RSU1: variants seen among roughly 807,000 people sequenced by gnomAD.
The protein encoded by RSU1 is rsu-1.
A neutral mutation model predicts 31.1 loss-of-function variants in RSU1; 26 were observed. The observed-to-expected ratio is 0.84, with a 90% CI of 0.61 to 1.16. RSU1 has a LOEUF of 1.16. Among genes scored for constraint, RSU1 ranks in the 50% most tolerant of loss-of-function variants. The pLI is 0.00. For missense variants in RSU1, 320 were observed against 339.1 expected, an observed-to-expected ratio of 0.94 and a Z score of 0.44; for synonymous variants, 164 against 136.3, an observed-to-expected ratio of 1.20 and a Z score of -1.41.
At chr10:16,816,032 G>A (rs77460264) in intron 2 of RSU1, among the ~76,000 whole-genome samples, 2,279 of 152,274 alleles carry the variant, frequency 0.015, 26 homozygotes, top group Admixed American at 0.025. Context: ...CATTACCGTC[G>A]ATAATGGACA....
chr10:16,786,219 A>G (rs1288767654), intron 2 of RSU1, among the ~76,000 whole-genome samples: 2 of 152,216 alleles, frequency 1.3e-5, no homozygotes, highest in East Asian at 3.9e-4. Context: ...CTGGGAGATC[A>G]TGGTTTATTT....
At chr10:16,741,617 G>A (rs1219221699) in intron 7 of RSU1, among the ~76,000 whole-genome samples, 2 of 152,146 alleles carry the variant, frequency 1.3e-5, no homozygotes, top group East Asian at 3.8e-4. Flanking sequence ...AGTGAGTGAG[G>A]GTGATAAGTA....
chr10:16,637,822 C>CAAA (rs397738474), intron 8 of RSU1, among the ~76,000 whole-genome samples: 1 of 129,772 alleles, frequency 7.7e-6, no homozygotes, highest in African/African-American at 2.8e-5. Flanking sequence ...TATGGATCCT[C>CAAA]AAAAAAAAAA....
In RSU1 at chr10:16,695,146, T is replaced by G; in HGVS notation, c.608A>C (p.Asp203Ala). The G allele has an allele frequency of 1.8e-6, 2 of 1,141,958 alleles. No homozygotes were observed. Among genetic ancestry groups the G allele is most frequent in the Non-Finnish European group, 1.2e-6 (1 of 823,852 alleles). 70.7% of individuals were successfully genotyped at this position (1,141,958 alleles called of 1,614,324 possible). The change falls in exon 8 of 9, where the codon GAT becomes GCT. Residue 203 changes from aspartate (D) to alanine (A), a missense_variant. Coordinates refer to ENST00000345264, the MANE Select transcript of RSU1 (RefSeq NM_012425.4). ...GAATACCTGCTTCTGGCCAGTTAAA[T>G]CCAAGTTTCCTGGGGGGGGGGAAAA... ...TVLPPELGNL[D>A]LTGQKQVFKA...
chr10:16,707,447 G>T (rs982786736), intron 7 of RSU1, among the ~76,000 whole-genome samples: 1 of 151,970 alleles, frequency 6.6e-6, no homozygotes, highest in African/African-American at 2.4e-5. Flanking sequence ...TTTTATCGTG[G>T]TTCTGATTTG....
At chr10:16,748,928 T>C (rs891872385) in intron 7 of RSU1, among the ~76,000 whole-genome samples, 1 of 150,262 alleles carries the variant, frequency 6.7e-6, no homozygotes, top group Non-Finnish European at 1.5e-5. Flanking sequence ...CTCTTTCTTC[T>C]GTCTTCTCCC....
intron 8 of RSU1, among the ~76,000 whole-genome samples, chr10:16,632,539 C>T (rs1373648365): frequency 1.3e-5 from 2 of 152,186 alleles, no homozygotes; most frequent in Non-Finnish European, 2.9e-5. Flanking sequence ...TGGCAAACTG[C>T]AGTGCCCCTG....
At chr10:16,720,923 G>T (rs982771332) in intron 7 of RSU1, among the ~76,000 whole-genome samples, 1 of 152,054 alleles carries the variant, frequency 6.6e-6, no homozygotes, top group Non-Finnish European at 1.5e-5. Context: ...AGAGTTTGAG[G>T]CTGCAGTGAG....
chr10:16,597,358 CTG>C (rs1469311839), intron 8 of RSU1, among the ~76,000 whole-genome samples: 4 of 152,196 alleles, frequency 2.6e-5, no homozygotes, highest in Non-Finnish European at 5.9e-5. Flanking sequence ...TCAGATCCCA[CTG>C]TGTGTGTCTG....
intron 8 of RSU1, among the ~76,000 whole-genome samples, chr10:16,633,724 T>C (rs532164025): frequency 1.5e-3 from 222 of 152,272 alleles, no homozygotes; most frequent in Non-Finnish European, 2.2e-3. Context: ...TGACCTCCAC[T>C]GTCTTAACTC....
chr10:16,766,930 CAGG>C (rs1416086510), intron 3 of RSU1, among the ~76,000 whole-genome samples: 1 of 149,710 alleles, frequency 6.7e-6, no homozygotes, highest in East Asian at 2.0e-4. Flanking sequence ...GAAGCTGAGG[CAGG>C]AGAATCGCTT....
chr10:16,757,263 A>G (rs1201320686), intron 4 of RSU1, among the ~76,000 whole-genome samples: 1 of 152,170 alleles, frequency 6.6e-6, no homozygotes, highest in Non-Finnish European at 1.5e-5. Context: ...AAAATTTAAT[A>G]AAAGTTGACA....
chr10:16,780,075 G>A (rs181928366), intron 3 of RSU1, among the ~76,000 whole-genome samples: 3 of 152,270 alleles, frequency 2.0e-5, no homozygotes, highest in Non-Finnish European at 2.9e-5. Flanking sequence ...CCAACACAAT[G>A]TAACTCCACA....
chr10:16,693,435 G>T (rs1453706423), intron 8 of RSU1, among the ~76,000 whole-genome samples: 2 of 150,946 alleles, frequency 1.3e-5, no homozygotes, highest in Admixed American at 6.6e-5. Flanking sequence ...GCCTGGCACA[G>T]ATTCACAGGG....
intron 8 of RSU1, among the ~76,000 whole-genome samples, chr10:16,644,537 C>G (rs1267837040): frequency 3.3e-5 from 5 of 152,240 alleles, no homozygotes; most frequent in South Asian, 2.1e-4. Context: ...GAAATTGAGC[C>G]CTAAGAGAAC....
intron 7 of RSU1, among the ~76,000 whole-genome samples, chr10:16,715,387 G>A (rs1380389303): frequency 5.3e-5 from 8 of 152,140 alleles, no homozygotes; most frequent in Non-Finnish European, 7.3e-5. Flanking sequence ...AAAGTCCAAC[G>A]TCTTGAAGAT....
chr10:16,643,747 T>C (rs1038997124), intron 8 of RSU1, among the ~76,000 whole-genome samples: 3 of 152,124 alleles, frequency 2.0e-5, no homozygotes, highest in Non-Finnish European at 4.4e-5. Context: ...TAAGAGCACC[T>C]GCCTTAAAGG....
rs553917937 is a variant in RSU1 at position 16,790,425 on chromosome 10, G to A, written c.110-8341C>T. Among the ~76,000 whole-genome samples, 26 of 152,324 alleles carry A rather than the reference G, an allele frequency of 1.7e-4. 1 individual carries two copies. The East Asian group carries it at 2.1e-3, about 12-fold the overall frequency. The stretch of plus-strand genomic sequence containing the variant: ...CAACCACCTAACACGCTAGGTATAA[G>A]AATCATGGACACTGAGAGGTGGATT... On this transcript the variant is annotated intron_variant, in intron 2 of 8. Transcript: ENST00000345264.
intron 8 of RSU1, among the ~76,000 whole-genome samples, chr10:16,594,744 ATATAAAATATACTAT>A (rs1833581744): frequency 6.9e-6 from 1 of 145,486 alleles, no homozygotes; most frequent in African/African-American, 2.5e-5. Flanking sequence ...CATATATATC[ATATAAAATATACTAT>A]ATTATCTATT....
Sources: allele counts gnomAD v4.1 joint callset (sites outside exome capture counted in the v4.1 genomes callset), GRCh38; gene constraint gnomAD v4.1.1; transcripts MANE v1.5; gene names NCBI Gene and HGNC (gene_info 2026-07-23, HGNC 2026-07-21).